Variants in CD34 observed in about 807,000 individuals in gnomAD.
CD34 encodes the protein hematopoietic progenitor cell antigen CD34.
In CD34, 34 loss-of-function variants were observed where a neutral mutation model predicts 40.1. The ratio of observed to expected loss-of-function variants is 0.85; its 90% CI spans 0.65 to 1.13. The LOEUF (loss-of-function observed/expected upper bound fraction) is 1.13, where lower values mean the gene tolerates loss of function less well. Among genes scored for constraint, CD34 ranks in the 50% most tolerant of loss-of-function variants. CD34 has a pLI of 0.00. For missense variants in CD34, 426 were observed against 466.9 expected, an observed-to-expected ratio of 0.91 and a Z score of 0.81; for synonymous variants, 209 against 190.0, an observed-to-expected ratio of 1.10 and a Z score of -0.82.
At chr1:207,905,953 C>T (rs1662371892) in intron 1 of CD34, among the ~76,000 whole-genome samples, 1 of 152,204 alleles carries the variant, frequency 6.6e-6, no homozygotes, top group African/African-American at 2.4e-5. Context: ...CACTTCTGGT[C>T]CTAAGCATTT....
Position 207,902,722 on chromosome 1 carries a change from C to T in CD34, c.80-2719G>A, listed in dbSNP as rs976886864. ...TGTCATGCTTTTGAATCCCCTCCCCCGAAGGGCCTCCTTCACCTAGACAAA... is the reference window on the plus strand; with the variant it reads ...TGTCATGCTTTTGAATCCCCTCCCCTGAAGGGCCTCCTTCACCTAGACAAA... On this transcript the variant is annotated intron_variant, in intron 1 of 7. Coordinates refer to ENST00000310833, the MANE Select transcript of CD34 (RefSeq NM_001025109.2). Among the ~76,000 whole-genome samples, 5 of 152,210 alleles carry T rather than the reference C, an allele frequency of 3.3e-5. No individual in the cohort carries two copies. In the East Asian group the frequency reaches 5.8e-4, roughly 18 times the overall value.
In CD34 at chr1:207,887,726, C is replaced by T. The variant is rs1002697017; in HGVS notation, c.*12G>A. The T allele has an allele frequency of 6.2e-7, 1 of 1,614,022 alleles. No individual in the cohort carries two copies. ...TCTCGGACACTGCCCAGCCTTGCCC[C>T]ACCTAGCCGAGTCACAATTCGGTAT... On this transcript the variant is annotated 3_prime_UTR_variant, in exon 8 of 8. Coordinates refer to ENST00000310833, the MANE Select transcript of CD34 (RefSeq NM_001025109.2).
Position 207,882,095 on chromosome 1 carries a change from C to T in CD34, c.*5643G>A, listed in dbSNP as rs1307364606. Reference sequence around the variant, plus strand: ...TGGAGTGGACACACTTTTTCTTATGCCTCCTGTTAACTAACTCTAAAAACC... The same window carrying T: ...TGGAGTGGACACACTTTTTCTTATGTCTCCTGTTAACTAACTCTAAAAACC... On this transcript the variant is annotated 3_prime_UTR_variant, in exon 8 of 8. Coordinates refer to ENST00000310833, the MANE Select transcript of CD34 (RefSeq NM_001025109.2). The T allele has an allele frequency of 6.6e-6, 1 of 152,164 alleles. No individual in the cohort carries two copies. Among genetic ancestry groups the T allele is most frequent in the African/African-American group, 2.4e-5 (1 of 41,420 alleles). The allele number at this position is 152,164 out of a possible 1,614,324, so 9.4% of individuals were successfully genotyped here. A position where few individuals can be genotyped will look rare whatever the true frequency, so the allele number is the denominator to read the frequency against.
At chr1:207,905,577 G>T (rs770235643) in intron 1 of CD34, among the ~76,000 whole-genome samples, 2 of 152,200 alleles carry the variant, frequency 1.3e-5, no homozygotes, top group Non-Finnish European at 2.9e-5. Context: ...TGGAAAAGAA[G>T]AATTTGGGGA....
intron 3 of CD34, among the ~76,000 whole-genome samples, chr1:207,898,163 A>T (rs1338026637): frequency 6.6e-6 from 1 of 151,858 alleles, no homozygotes; most frequent in African/African-American, 2.4e-5. Context: ...CTCTTGCCTC[A>T]GCCTCCTGGG....
chr1:207,900,241 T>C (rs1264662620), intron 1 of CD34, among the ~76,000 whole-genome samples: 1 of 152,180 alleles, frequency 6.6e-6, no homozygotes, highest in African/African-American at 2.4e-5. Flanking sequence ...GTATTATTTA[T>C]AGGAGGGAAA....
At chr1:207,892,631 C>G (rs989181769) in intron 4 of CD34, among the ~76,000 whole-genome samples, 1 of 151,584 alleles carries the variant, frequency 6.6e-6, no homozygotes, top group African/African-American at 2.4e-5. Context: ...CTAGTGGGCA[C>G]TAGATAAATA....
At chr1:207,889,656 G>T in intron 4 of CD34, 35 bp from the exon 5 acceptor site, 1 of 1,612,138 alleles carries the variant, frequency 6.2e-7, no homozygotes, top group Non-Finnish European at 8.5e-7. Flanking sequence ...AGCAAGAGAT[G>T]AAATTACTGC....
intron 4 of CD34, among the ~76,000 whole-genome samples, chr1:207,890,880 T>C (rs993981843): frequency 6.6e-6 from 1 of 152,200 alleles, no homozygotes; most frequent in South Asian, 2.1e-4. Context: ...AGTCCTTGGA[T>C]AGACGTTCTA....
chr1:207,898,980 T>C lies in CD34; in HGVS notation c.509A>G (p.Asp170Gly). The C allele has an allele frequency of 6.2e-7, 1 of 1,614,108 alleles. No individual in the cohort carries two copies. Among genetic ancestry groups the C allele is most frequent in the Non-Finnish European group, 8.5e-7 (1 of 1,179,908 alleles). The part of the protein sequence containing the change: ...PYTSSSPILS[D>G]IKAEIKCSGI... Reference sequence around the variant, plus strand: ...TTGGCCCAATTCACCCACCTTGATGTCACTTAGGATAGGAGAAGATGATGT... The same window carrying C: ...TTGGCCCAATTCACCCACCTTGATGCCACTTAGGATAGGAGAAGATGATGT... The change falls in exon 3 of 8, where the codon GAC (aspartate) becomes GGC (glycine). Residue 170 changes from aspartate (D) to glycine (G), a missense_variant. Asp to Gly is a moderately conservative substitution (Grantham distance 94, BLOSUM62 -1). Transcript: ENST00000310833.
At chr1:207,902,927 G>A (rs886887119) in intron 1 of CD34, among the ~76,000 whole-genome samples, 1 of 152,178 alleles carries the variant, frequency 6.6e-6, no homozygotes, top group Non-Finnish European at 1.5e-5. Flanking sequence ...GGAATGAGTA[G>A]CAGGATCCAC....
rs1281584761 is a variant in CD34 at position 207,881,652 on chromosome 1, T to C, written c.*6086A>G. ...TCCAGCCTGGGTGACAGAGCGAGAC[T>C]CCGTCTCAAAAAAAAAAAAAAAAAA... On this transcript the variant is annotated 3_prime_UTR_variant, in exon 8 of 8. Coordinates refer to ENST00000310833, the MANE Select transcript of CD34 (RefSeq NM_001025109.2). The C allele has an allele frequency of 9.3e-5, 10 of 108,104 alleles. No homozygotes were observed. Among genetic ancestry groups the C allele is most frequent in the Non-Finnish European group, 1.4e-4 (8 of 58,632 alleles). The allele number at this position is 108,104 out of a possible 1,614,324, so 6.7% of individuals were successfully genotyped here. A position where few individuals can be genotyped will look rare whatever the true frequency, so the allele number is the denominator to read the frequency against.
Position 207,889,589 on chromosome 1 carries a change from C to G in CD34, c.630G>C (p.Leu210=). The G allele has an allele frequency of 1.2e-6, 2 of 1,614,020 alleles. No homozygotes were observed. Among genetic ancestry groups the G allele is most frequent in the South Asian group, 1.1e-5 (1 of 91,046 alleles). ...GCTCCTCCCCACACAGCACTCGGGC[C>G]AGGCCCTCTCCCCTGTCCTTCTTAA... ...AEFKKDRGEG[L]ARVLCGEEQA... Residue 210 remains leucine, a synonymous_variant, in exon 5 of 8, where the codon CTG becomes CTC. Transcript: ENST00000310833.
chr1:207,898,430 A>G (rs1662196439), intron 3 of CD34, among the ~76,000 whole-genome samples: 1 of 152,196 alleles, frequency 6.6e-6, no homozygotes, highest in African/African-American at 2.4e-5. Context: ...CTGCATGCTG[A>G]AAGCTGTTGA....
Position 207,886,645 on chromosome 1 carries a change from A to G in CD34, c.*1093T>C, listed in dbSNP as rs572231473. The G allele has an allele frequency of 1.3e-5, 2 of 152,782 alleles. No individual in the cohort carries two copies. The highest frequency in any genetic ancestry group is 4.1e-4 in the South Asian group (2 of 4,834). The allele number at this position is 152,782 out of a possible 1,614,324, so 9.5% of individuals were successfully genotyped here. A position where few individuals can be genotyped will look rare whatever the true frequency, so the allele number is the denominator to read the frequency against. On this transcript the variant is annotated 3_prime_UTR_variant, in exon 8 of 8. Transcript: ENST00000310833. Reference sequence around the variant, plus strand: ...CTGGAAATTTCTATTTCCAACCGTCATTGAAACCAGGATCCCTGCTCAACC... The same window carrying G: ...CTGGAAATTTCTATTTCCAACCGTCGTTGAAACCAGGATCCCTGCTCAACC...
intron 4 of CD34, chr1:207,889,828 CA>C: frequency 1.3e-6 from 2 of 1,577,296 alleles, no homozygotes; most frequent in Non-Finnish European, 8.5e-7. Flanking sequence ...CTCCCAGGAC[CA>C]AAATCCATAT....
rs185245512 is a variant in CD34 at position 207,899,624 on chromosome 1, G to A, written c.262+197C>T. Among the ~76,000 whole-genome samples, 38 of 152,276 alleles carry A rather than the reference G, an allele frequency of 2.5e-4. No individual in the cohort carries two copies. In the East Asian group the frequency reaches 7.1e-3, roughly 29 times the overall value. ...ATCAGGATCAGCTCCCAAGACATGG[G>A]CCTGAGAAAACTGTCACTGAAGGAA... On this transcript the variant is annotated intron_variant, in intron 2 of 7. Transcript: ENST00000310833.
rs1282337401 is a variant in CD34 at position 207,882,561 on chromosome 1, AACAG to A, written c.*5173_*5176del. 1 of 152,254 alleles carries A rather than the reference AACAG, an allele frequency of 6.6e-6. No homozygotes were observed. Among genetic ancestry groups the A allele is most frequent in the Non-Finnish European group, 1.5e-5 (1 of 68,050 alleles). 9.4% of individuals were successfully genotyped at this position (152,254 alleles called of 1,614,324 possible). A position where few individuals can be genotyped will look rare whatever the true frequency, so the allele number is the denominator to read the frequency against. The stretch of plus-strand genomic sequence containing the variant: ...TGAAACCATCTGACAAGAATTTTAA[AACAG>A]ACAGCCATCATAAACATGCTTTAAT... On this transcript the variant is annotated 3_prime_UTR_variant, in exon 8 of 8. Transcript: ENST00000310833.
Position 207,884,496 on chromosome 1 carries a change from TGGTGGCTGGAAGCC to T in CD34, c.*3228_*3241del, listed in dbSNP as rs1455973725. 1.6e-4 allele frequency: 24 copies of T among 152,358 alleles called. 1 individual carries two copies. The East Asian group carries it at 1.7e-3, about 11-fold the overall frequency. The allele number at this position is 152,358 out of a possible 1,614,324, so 9.4% of individuals were successfully genotyped here. A position where few individuals can be genotyped will look rare whatever the true frequency, so the allele number is the denominator to read the frequency against. On this transcript the variant is annotated 3_prime_UTR_variant, in exon 8 of 8. Coordinates refer to ENST00000310833, the MANE Select transcript of CD34 (RefSeq NM_001025109.2). ...TCATAAGACTTGATGAATGATTGAA[TGGTGGCTGGAAGCC>T]TCTTCGATGGGGGCTTTAGGAAGAG...
Sources: gnomAD v4.1 joint callset for allele counts (sites outside exome capture counted in the v4.1 genomes callset) on GRCh38, gnomAD v4.1.1 for gene constraint, MANE v1.5 for transcripts, NCBI Gene and HGNC (gene_info 2026-07-23, HGNC 2026-07-21) for gene names.